KNDC1: variants seen among roughly 807,000 people sequenced by gnomAD.
The protein encoded by KNDC1 is kinase non-catalytic C-lobe domain containing 1.
A neutral mutation model predicts 172.8 loss-of-function variants in KNDC1; 106 were observed. That is an observed-to-expected ratio of 0.61 (90% CI 0.52 to 0.72). KNDC1 has a LOEUF of 0.72. Ranked by LOEUF, KNDC1 falls within the 30% of genes least tolerant of loss-of-function variation. The pLI is 0.00. For synonymous variants in KNDC1, 1,083 were observed against 1,062.2 expected (o/e 1.02, Z -0.38); for missense variants, 2,325 against 2,394.5 (o/e 0.97, Z 0.61).
chr10:133,199,677 G>T, intron 15 of KNDC1, 75 bp downstream of exon 15: 2 of 1,521,914 alleles, frequency 1.3e-6, no homozygotes, highest in Non-Finnish European at 9.0e-7. Context: ...TGCCTGACCC[G>T]GGCCCAGCCT....
intron 1 of KNDC1, among the ~76,000 whole-genome samples, chr10:133,165,869 G>A (rs1254843664): frequency 1.3e-5 from 2 of 152,118 alleles, no homozygotes; most frequent in Non-Finnish European, 2.9e-5. Context: ...ACAGGAATGG[G>A]GCAGGGAGAT....
In KNDC1 at chr10:133,189,538, C is replaced by G; in HGVS notation, c.1442-60C>G. 6 of 1,538,686 alleles carry G rather than the reference C, an allele frequency of 3.9e-6. No individual in the cohort carries two copies. The South Asian group carries it at 5.6e-5, about 14-fold the overall frequency. ...ACTGAGGCTCCGCAGCTCCTTCCCC[C>G]CAGCCAGCCCCAAGTGCGGGGCAGC... is the stretch of plus-strand genomic sequence containing the variant. On this transcript the variant is annotated intron_variant, in intron 7 of 29. Coordinates refer to ENST00000304613, the MANE Select transcript of KNDC1 (RefSeq NM_152643.8).
At chr10:133,167,221 C>G in intron 1 of KNDC1, 160 bp from the exon 2 acceptor site, 1 of 675,122 alleles carries the variant, frequency 1.5e-6, no homozygotes, top group South Asian at 1.9e-5. Context: ...AGCAGGACGA[C>G]TCTTGAAACA....
At chr10:133,161,189 C>T (rs1225564597) in intron 1 of KNDC1, among the ~76,000 whole-genome samples, 1 of 152,198 alleles carries the variant, frequency 6.6e-6, no homozygotes, top group Non-Finnish European at 1.5e-5. Flanking sequence ...CTGGGTCTGA[C>T]CCTGTAGCTC....
At chr10:133,203,406 C>T (rs907472401) in intron 17 of KNDC1, among the ~76,000 whole-genome samples, 1 of 152,264 alleles carries the variant, frequency 6.6e-6, no homozygotes, top group Non-Finnish European at 1.5e-5. Flanking sequence ...GGAGGAGCTA[C>T]TGTGTCTCTT....
At chr10:133,160,778 G>A (rs1852940781) in intron 1 of KNDC1, among the ~76,000 whole-genome samples, 1 of 152,186 alleles carries the variant, frequency 6.6e-6, no homozygotes, top group African/African-American at 2.4e-5. Context: ...ACGGCGGCGG[G>A]TGGGCAGCCC....
chr10:133,217,124 T>C lies in KNDC1; in HGVS notation c.4678-1707T>C, dbSNP rs114191936. On this transcript the variant is annotated intron_variant, in intron 26 of 29. Coordinates refer to ENST00000304613, the MANE Select transcript of KNDC1 (RefSeq NM_152643.8). ...ACAGTGTGGATGTAGTTAACACGGCTGAACCGTGCACTCAGAAAAGGCTAC... is the reference window on the plus strand; with the variant it reads ...ACAGTGTGGATGTAGTTAACACGGCCGAACCGTGCACTCAGAAAAGGCTAC... Among the ~76,000 whole-genome samples the C allele has an allele frequency of 7.1e-3, 1,084 of 152,382 alleles. 8 individuals carry two copies. Among genetic ancestry groups the C allele is most frequent in the African/African-American group, 0.024 (1,004 of 41,590 alleles).
At chr10:133,173,690 G>A (rs188938133) in intron 3 of KNDC1, among the ~76,000 whole-genome samples, 1 of 152,220 alleles carries the variant, frequency 6.6e-6, no homozygotes, top group Non-Finnish European at 1.5e-5. Flanking sequence ...GCTCCTGCCT[G>A]TTCCCCGGGT....
At chr10:133,190,230 C>G (rs904518221) in intron 9 of KNDC1, among the ~76,000 whole-genome samples, 4 of 152,124 alleles carry the variant, frequency 2.6e-5, no homozygotes, top group African/African-American at 9.7e-5. Context: ...CGAGGAAGAG[C>G]ACTAAGTACC....
At chr10:133,162,735 C>T (rs527623841) in intron 1 of KNDC1, among the ~76,000 whole-genome samples, 1 of 152,250 alleles carries the variant, frequency 6.6e-6, no homozygotes, top group Admixed American at 6.5e-5. Flanking sequence ...CGCAGCAGCT[C>T]TCCCTCGCGC....
chr10:133,163,509 G>A lies in KNDC1; in HGVS notation c.102+2940G>A, dbSNP rs1237738100. On this transcript the variant is annotated intron_variant, in intron 1 of 29. Coordinates refer to ENST00000304613, the MANE Select transcript of KNDC1 (RefSeq NM_152643.8). The surrounding 1 kb of genome is among the most constrained non-coding windows in gnomAD (Gnocchi z 4.4). ...TCGGGAGCAGAGGTGGTTTTGTGGT[G>A]GGGGCCTGGCAGTGTGAAGAGAGCT... is the stretch of plus-strand genomic sequence containing the variant. 6.6e-6 allele frequency among the ~76,000 whole-genome samples: 1 copy of A among 152,136 alleles called. No individual in the cohort carries two copies. The highest frequency in any genetic ancestry group is 1.5e-5 in the Non-Finnish European group (1 of 68,008).
chr10:133,200,555 C>T, intron 16 of KNDC1, 95 bp downstream of exon 16: 1 of 965,256 alleles, frequency 1.0e-6, no homozygotes, highest in South Asian at 2.1e-5. Context: ...CCAGCAGCCT[C>T]AGACTGCACT....
At chr10:133,175,262 GGTGGATGGTGGATAT>G (rs1232753014) in intron 3 of KNDC1, among the ~76,000 whole-genome samples, 1 of 150,730 alleles carries the variant, frequency 6.6e-6, no homozygotes, top group East Asian at 2.0e-4. Flanking sequence ...TGGATAGATG[GGTGGATGGTGGATAT>G]GTGGATGGAT....
intron 5 of KNDC1, among the ~76,000 whole-genome samples, chr10:133,185,186 TGTGGAGTAGG>T (rs1435599480): frequency 4.0e-5 from 6 of 150,606 alleles, no homozygotes; most frequent in Admixed American, 6.6e-5. Flanking sequence ...GTGTGTGCAG[TGTGGAGTAGG>T]CAGTGTGTGC....
At chr10:133,215,121 C>T (rs764395010) in intron 26 of KNDC1, among the ~76,000 whole-genome samples, 13 of 152,212 alleles carry the variant, frequency 8.5e-5, no homozygotes, top group African/African-American at 2.9e-4. Context: ...CCCCTTCCCC[C>T]ACAGCAGGCA....
At chr10:133,207,503 G>C (rs901924407) in intron 20 of KNDC1, 152 bp downstream of exon 20, 8 of 748,188 alleles carry the variant, frequency 1.1e-5, no homozygotes, top group Non-Finnish European at 1.7e-5. Context: ...ATGTGCACTA[G>C]GTGCCACCGG....
At position 133,196,079 on chromosome 10, in the gene KNDC1, T is replaced by G. The variant is rs554166110; in HGVS notation, c.1734+258T>G. ...TGCTCCCCACCATGGCCGTTCCTCC[T>G]GCGGAGCCCGCTCTCTCCAGCTTGT... On this transcript the variant is annotated intron_variant, in intron 10 of 29. Coordinates refer to ENST00000304613, the MANE Select transcript of KNDC1 (RefSeq NM_152643.8). Among the ~76,000 whole-genome samples, 17 of 152,330 alleles carry G rather than the reference T, an allele frequency of 1.1e-4. No homozygotes were observed. The East Asian group carries it at 3.1e-3, about 28-fold the overall frequency.
chr10:133,197,645 C>T (rs767057328), intron 11 of KNDC1, 30 bp from the exon 12 acceptor site: 1 of 1,569,306 alleles, frequency 6.4e-7, no homozygotes, highest in South Asian at 1.1e-5. Flanking sequence ...TCCGTGGTCA[C>T]CTGGCCCAGG....
intron 17 of KNDC1, among the ~76,000 whole-genome samples, chr10:133,205,178 C>T (rs908950783): frequency 6.6e-6 from 1 of 152,212 alleles, no homozygotes; most frequent in Non-Finnish European, 1.5e-5. Flanking sequence ...CCTCTACGCC[C>T]GTGTGCCTGT....
Sources: gnomAD v4.1 joint callset for allele counts (sites outside exome capture counted in the v4.1 genomes callset) on GRCh38, gnomAD v4.1.1 for gene constraint, Gnocchi (gnomAD v3.1) non-coding constraint, MANE v1.5 for transcripts, NCBI Gene and HGNC (gene_info 2026-07-23, HGNC 2026-07-21) for gene names.